ADPRHL1: variants seen among roughly 807,000 people sequenced by gnomAD.
ADPRHL1 encodes ADP-ribosylhydrolase like 1.
Under a neutral mutation model 44.1 loss-of-function variants are expected in ADPRHL1, and 43 were observed. The observed-to-expected ratio is 0.98, with a 90% CI of 0.76 to 1.26. ADPRHL1 has a LOEUF of 1.26. ADPRHL1 is among the 50% of genes most tolerant of loss of function. The pLI, the probability that ADPRHL1 is intolerant of heterozygous loss-of-function variation, is 0.00. For missense variants in ADPRHL1, 2,022 were observed against 2,496.9 expected, an observed-to-expected ratio of 0.81 and a Z score of 4.05; for synonymous variants, 878 against 1,017.4, an observed-to-expected ratio of 0.86 and a Z score of 2.61.
At chr13:113,420,585 C>G (rs1566470494) in intron 7 of ADPRHL1, among the ~76,000 whole-genome samples, 2 of 152,084 alleles carry the variant, frequency 1.3e-5, no homozygotes, top group Admixed American at 6.6e-5. Context: ...TCCCCACACC[C>G]ACGGGTGCTG....
chr13:113,432,356 C>A (rs1055164435), intron 3 of ADPRHL1, among the ~76,000 whole-genome samples: 1 of 152,174 alleles, frequency 6.6e-6, no homozygotes, highest in South Asian at 2.1e-4. Context: ...CTCAAGTGAT[C>A]CTCCTGCCTC....
Position 113,399,909 on chromosome 13 carries a change from A to G in ADPRHL1, c.*3469T>C, listed in dbSNP as rs2043743391. 1.3e-5 allele frequency: 2 copies of G among 151,780 alleles called. No individual in the cohort carries two copies. Among genetic ancestry groups the G allele is most frequent in the Non-Finnish European group, 2.9e-5 (2 of 67,888 alleles). The allele number at this position is 151,780 out of a possible 1,614,324, so 9.4% of individuals were successfully genotyped here. A position where few individuals can be genotyped will look rare whatever the true frequency, so the allele number is the denominator to read the frequency against. Reference sequence around the variant, plus strand: ...CCCTCCCTGAGCGAGTGTCCTGAACATGACCACATTCTCGTCGCCGTCTCG... The same window carrying G: ...CCCTCCCTGAGCGAGTGTCCTGAACGTGACCACATTCTCGTCGCCGTCTCG... On this transcript the variant is annotated 3_prime_UTR_variant, in exon 8 of 8. Coordinates refer to ENST00000612156, the MANE Select transcript of ADPRHL1 (RefSeq NM_001394807.1).
Position 113,407,327 on chromosome 13 carries a change from TCTC to T in ADPRHL1, c.1952_1954del (p.Gly651del), listed in dbSNP as rs1261060112. The T allele has an allele frequency of 4.9e-6, 6 of 1,231,848 alleles. No homozygotes were observed. The East Asian group carries it at 1.6e-4, about 32-fold the overall frequency. 76.3% of individuals were successfully genotyped at this position (1,231,848 alleles called of 1,614,324 possible). On this transcript the variant is annotated inframe_deletion, in exon 8 of 8. Transcript: ENST00000612156. ...CCTGGCACTAGGGGGCACGCTGGCT[TCTC>T]CTCTGGGTGGACGCCTTGCCTCCGA...
At position 113,403,150 on chromosome 13, in the gene ADPRHL1, C is replaced by G. The variant is rs191773317; in HGVS notation, c.*228G>C. 5.4e-6 allele frequency: 2 copies of G among 371,078 alleles called. No individual in the cohort carries two copies. The highest frequency in any genetic ancestry group is 9.5e-6 in the Non-Finnish European group (2 of 211,306). The allele number at this position is 371,078 out of a possible 1,614,324, so 23.0% of individuals were successfully genotyped here. A position where few individuals can be genotyped will look rare whatever the true frequency, so the allele number is the denominator to read the frequency against. On this transcript the variant is annotated 3_prime_UTR_variant, in exon 8 of 8. Transcript: ENST00000612156. ...CGAGGGCCTGGTGAGGCCACAGGCC[C>G]GCACCTCCCACCCCCATGGCCTCGT...
At chr13:113,429,936 C>T (rs1043241332) in intron 3 of ADPRHL1, among the ~76,000 whole-genome samples, 7 of 152,282 alleles carry the variant, frequency 4.6e-5, no homozygotes, top group East Asian at 3.9e-4. Context: ...TAAATGCATG[C>T]GAGTATATAT....
rs2043834410 is a variant in ADPRHL1 at position 113,409,438 on chromosome 13, C to T, written c.1062-1218G>A. On this transcript the variant is annotated intron_variant, in intron 7 of 7. Transcript: ENST00000612156. The surrounding 1 kb of genome is among the most constrained non-coding windows in gnomAD (Gnocchi z 4.2). ...ACAGGAAAAGTCGCCTTCATGGTGCCGTTTATAATGTTGAAAAATCTAGAG... is the reference window on the plus strand; with the variant it reads ...ACAGGAAAAGTCGCCTTCATGGTGCTGTTTATAATGTTGAAAAATCTAGAG... 2.7e-5 allele frequency: 27 copies of T among 985,336 alleles called. No individual in the cohort carries two copies. The highest frequency in any genetic ancestry group is 3.1e-5 in the Non-Finnish European group (26 of 829,930). The allele number at this position is 985,336 out of a possible 1,614,324, so 61.0% of individuals were successfully genotyped here.
chr13:113,406,121 C>A lies in ADPRHL1; in HGVS notation c.3161G>T (p.Gly1054Val). ...ASSKGRTGPEGVTPMGMTVPG... is the reference protein window; with the variant it reads ...ASSKGRTGPEVVTPMGMTVPG... ...CACTGTCATGCCCATCGGGGTGACA[C>A]CCTCAGGCCCCGTACGCCCCTTGGA... Residue 1054 changes from glycine (G) to valine (V), a missense_variant, in exon 8 of 8, where the codon GGT (glycine) becomes GTT (valine). Around this residue, in one of 8 missense-constraint regions of ADPRHL1, gnomAD observed 1,221 missense variants for 1,517.8 expected, o/e 0.80. Coordinates refer to ENST00000612156, the MANE Select transcript of ADPRHL1 (RefSeq NM_001394807.1). 6 of 1,232,146 alleles carry A rather than the reference C, an allele frequency of 4.9e-6. No individual in the cohort carries two copies. In the South Asian group the frequency reaches 2.1e-4, roughly 42 times the overall value. The allele number at this position is 1,232,146 out of a possible 1,614,324, so 76.3% of individuals were successfully genotyped here. A position where few individuals can be genotyped will look rare whatever the true frequency, so the allele number is the denominator to read the frequency against.
chr13:113,450,440 C>T (rs892970260), intron 1 of ADPRHL1, among the ~76,000 whole-genome samples: 1 of 152,112 alleles, frequency 6.6e-6, no homozygotes, highest in African/African-American at 2.4e-5. Flanking sequence ...AATAAAGACA[C>T]AAGACAAGAG....
At chr13:113,443,047 C>A (rs192643711) in intron 2 of ADPRHL1, among the ~76,000 whole-genome samples, 5 of 152,156 alleles carry the variant, frequency 3.3e-5, no homozygotes, top group African/African-American at 7.2e-5. Context: ...TTCAAAAATG[C>A]CTTTCACGTC....
In ADPRHL1 at chr13:113,403,663, G is replaced by A. The variant is rs1436415507; in HGVS notation, c.5619C>T (p.Ser1873=). 1.1e-5 allele frequency: 14 copies of A among 1,231,784 alleles called. No individual in the cohort carries two copies. Among genetic ancestry groups the A allele is most frequent in the Non-Finnish European group, 1.2e-5 (12 of 988,176 alleles). The allele number at this position is 1,231,784 out of a possible 1,614,324, so 76.3% of individuals were successfully genotyped here. ...CCAGCCCCAGGGGAGAGGTGGCAAT[G>A]CTCTTGCCCCTGAGGGGGCGGCTTC... ...PPGSRPLRGK[S]IATSPLGLGK... The change falls in exon 8 of 8, where the codon AGC becomes AGT. Residue 1873 remains serine, a synonymous_variant. Transcript: ENST00000612156.
At position 113,407,325 on chromosome 13, in the gene ADPRHL1, C is replaced by T. The variant is rs1214692095; in HGVS notation, c.1957G>A (p.Ala653Thr). The part of the protein sequence containing the change: ...SEARRPPRGE[A>T]SVPPSARETG... Reference sequence around the variant, plus strand: ...TCCCTGGCACTAGGGGGCACGCTGGCTTCTCCTCTGGGTGGACGCCTTGCC... The same window carrying T: ...TCCCTGGCACTAGGGGGCACGCTGGTTTCTCCTCTGGGTGGACGCCTTGCC... Residue 653 changes from alanine (A) to threonine (T), a missense_variant, in exon 8 of 8, where the codon GCC becomes ACC. Physicochemically the swap from Ala to Thr is moderately conservative, Grantham distance 58. Coordinates refer to ENST00000612156, the MANE Select transcript of ADPRHL1 (RefSeq NM_001394807.1). 8.1e-7 allele frequency: 1 copy of T among 1,231,940 alleles called. No individual in the cohort carries two copies. The highest frequency in any genetic ancestry group is 1.6e-5 in the African/African-American group (1 of 64,434). The allele number at this position is 1,231,940 out of a possible 1,614,324, so 76.3% of individuals were successfully genotyped here. A position where few individuals can be genotyped will look rare whatever the true frequency, so the allele number is the denominator to read the frequency against.
At position 113,406,646 on chromosome 13, in the gene ADPRHL1, A is replaced by C; in HGVS notation, c.2636T>G (p.Val879Gly). Residue 879 changes from valine to glycine, a missense_variant, in exon 8 of 8, where the codon GTT (valine) becomes GGT (glycine). By Grantham distance (109) the Val-to-Gly change is moderately radical. Around this residue, in one of 8 missense-constraint regions of ADPRHL1, gnomAD observed 1,221 missense variants for 1,517.8 expected, o/e 0.80. Transcript: ENST00000612156. Reference sequence around the variant, plus strand: ...GGGAAATTCTGTGTGGGCATTTTCAACCACATTCTCTCCTCCACAAATACA... The same window carrying C: ...GGGAAATTCTGTGTGGGCATTTTCACCCACATTCTCTCCTCCACAAATACA... ...KPCICGGENVVENAHTEFPTV... is the reference protein window; with the variant it reads ...KPCICGGENVGENAHTEFPTV... 1 of 1,220,380 alleles carries C rather than the reference A, an allele frequency of 8.2e-7. No homozygotes were observed. The highest frequency in any genetic ancestry group is 1.0e-6 in the Non-Finnish European group (1 of 985,156). The allele number at this position is 1,220,380 out of a possible 1,614,324, so 75.6% of individuals were successfully genotyped here.
chr13:113,439,116 C>CT lies in ADPRHL1; in HGVS notation c.380-5250dup, dbSNP rs370538123. 4.8e-4 allele frequency among the ~76,000 whole-genome samples: 72 copies of CT among 149,240 alleles called. No individual in the cohort carries two copies. The South Asian group carries it at 6.8e-3, about 14-fold the overall frequency. On this transcript the variant is annotated intron_variant, in intron 2 of 7. Coordinates refer to ENST00000612156, the MANE Select transcript of ADPRHL1 (RefSeq NM_001394807.1). ...CCATCAGGGACTGAAATTCTCTTTC[C>CT]TTTTTTTTTTCTTTTTTTGAGACGG...
At chr13:113,412,509 A>G (rs1250507439) in intron 7 of ADPRHL1, among the ~76,000 whole-genome samples, 1 of 152,234 alleles carries the variant, frequency 6.6e-6, no homozygotes, top group Non-Finnish European at 1.5e-5. Flanking sequence ...ATCCGAGTGC[A>G]CTTTTCAACA....
intron 7 of ADPRHL1, among the ~76,000 whole-genome samples, chr13:113,419,065 T>C (rs1566470061): frequency 9.0e-5 from 10 of 111,174 alleles, no homozygotes; most frequent in Non-Finnish European, 1.3e-4. Flanking sequence ...TCTCCTTCCT[T>C]CACTCCCTCC....
rs1443435302 is a variant in ADPRHL1 at position 113,441,147 on chromosome 13, C to T, written c.379+3278G>A. Among the ~76,000 whole-genome samples the T allele has an allele frequency of 1.3e-5, 2 of 152,126 alleles. No individual in the cohort carries two copies. Among genetic ancestry groups the T allele is most frequent in the Non-Finnish European group, 2.9e-5 (2 of 68,026 alleles). ...CAATCTGGGCGACAGAGCAAGACTC[C>T]ATCTCAAAATTAAAAAGTTGTTTCT... On this transcript the variant is annotated intron_variant, in intron 2 of 7. Coordinates refer to ENST00000612156, the MANE Select transcript of ADPRHL1 (RefSeq NM_001394807.1). This position sits in a 1 kb window ranked among gnomAD's most constrained non-coding sequence, Gnocchi z 6.0.
At chr13:113,433,918 C>T in intron 2 of ADPRHL1, 51 bp from the exon 3 acceptor site, 1 of 1,481,260 alleles carries the variant, frequency 6.8e-7, no homozygotes, top group Admixed American at 2.5e-5. Flanking sequence ...ATAATTCCAC[C>T]CCTGACAATC....
chr13:113,450,296 G>A (rs1246820113), intron 1 of ADPRHL1, among the ~76,000 whole-genome samples: 4 of 152,144 alleles, frequency 2.6e-5, no homozygotes, highest in African/African-American at 9.7e-5. Context: ...ATAAACTTAA[G>A]TGAAATTTCG....
intron 1 of ADPRHL1, among the ~76,000 whole-genome samples, chr13:113,451,226 G>A (rs960171637): frequency 1.5e-4 from 23 of 152,108 alleles, no homozygotes; most frequent in African/African-American, 5.6e-4. Context: ...CATAATATTG[G>A]AATAAAAAGT....
Sources: gnomAD v4.1 joint callset for allele counts (sites outside exome capture counted in the v4.1 genomes callset) on GRCh38, gnomAD v4.1.1 for gene constraint, gnomAD v4.1.1 regional missense constraint, Gnocchi (gnomAD v3.1) non-coding constraint, MANE v1.5 for transcripts, NCBI Gene and HGNC (gene_info 2026-07-23, HGNC 2026-07-21) for gene names.